The following PTPRD variants were observed in gnomAD, a reference collection of about 807,000 sequenced individuals.
PTPRD encodes receptor-type tyrosine-protein phosphatase delta.
Under a neutral mutation model 214.5 loss-of-function variants are expected in PTPRD, and 34 were observed. The ratio of observed to expected loss-of-function variants is 0.16; its 90% confidence interval spans 0.12 to 0.21. The LOEUF (loss-of-function observed/expected upper bound fraction) is 0.21, where lower values mean the gene tolerates loss of function less well. Ranked by LOEUF, PTPRD falls within the 10% of genes least tolerant of loss-of-function variation. The pLI is 1.00. For missense variants in PTPRD, 2,545 were observed against 2,398.7 expected, an observed-to-expected ratio of 1.06 and a Z score of -1.27; for synonymous variants, 1,128 against 845.7, an observed-to-expected ratio of 1.33 and a Z score of -5.79.
At chr9:8,559,174 T>A (rs563962485) in intron 14 of PTPRD, among the ~76,000 whole-genome samples, 2 of 152,208 alleles carry the variant, frequency 1.3e-5, no homozygotes, top group East Asian at 3.9e-4. Flanking sequence ...TTAGAAGAAA[T>A]AAGTTCTAGC....
At chr9:10,392,889 G>C (rs1045698740) in intron 2 of PTPRD, among the ~76,000 whole-genome samples, 5 of 151,848 alleles carry the variant, frequency 3.3e-5, no homozygotes, top group Admixed American at 3.3e-4. Flanking sequence ...GAGGCCTTCA[G>C]TGGGTGGAGT....
At chr9:9,825,687 G>T (rs1366085803) in intron 5 of PTPRD, among the ~76,000 whole-genome samples, 3 of 151,834 alleles carry the variant, frequency 2.0e-5, no homozygotes, top group African/African-American at 7.2e-5. Flanking sequence ...AATGATAACA[G>T]GTTTTCTGTG....
chr9:8,532,910 A>G lies in PTPRD; in HGVS notation c.353-4131T>C, dbSNP rs538612214. On this transcript the variant is annotated intron_variant, in intron 14 of 45. Transcript: ENST00000381196. The stretch of plus-strand genomic sequence containing the variant: ...CTTTCAGTTCCATTAAGGAAAGAGA[A>G]AAATGAATGTAAGCATCTTCCAGAG... Among the ~76,000 whole-genome samples the G allele has an allele frequency of 7.2e-5, 11 of 152,222 alleles. No homozygotes were observed. In the South Asian group the frequency reaches 2.3e-3, roughly 32 times the overall value.
intron 39 of PTPRD, among the ~76,000 whole-genome samples, chr9:8,359,882 T>TGCATG (rs1472507076): frequency 6.6e-6 from 1 of 152,208 alleles, no homozygotes; most frequent in Non-Finnish European, 1.5e-5. Context: ...GCTATCAATA[T>TGCATG]GCATGGTCTT....
chr9:8,907,532 A>G (rs1016445843), intron 11 of PTPRD, among the ~76,000 whole-genome samples: 8 of 134,920 alleles, frequency 5.9e-5, no homozygotes, highest in African/African-American at 2.2e-4. Flanking sequence ...AAAAAAAAAA[A>G]AATATATATA....
chr9:8,633,230 CA>C (rs746431526), intron 14 of PTPRD, 86 bp downstream of exon 14: 18 of 1,477,602 alleles, frequency 1.2e-5, no homozygotes, highest in Middle Eastern at 1.8e-4. Flanking sequence ...TAAGCACCAT[CA>C]CAATGCTAGT....
chr9:9,732,029 AC>A (rs2098204261), intron 7 of PTPRD, among the ~76,000 whole-genome samples: 1 of 152,134 alleles, frequency 6.6e-6, no homozygotes, highest in Non-Finnish European at 1.5e-5. Context: ...GAGTTCAAGG[AC>A]AGGGGGAATC....
chr9:10,050,860 C>T (rs1261222165), intron 3 of PTPRD, among the ~76,000 whole-genome samples: 1 of 151,914 alleles, frequency 6.6e-6, no homozygotes, highest in African/African-American at 2.4e-5. Flanking sequence ...AAAATTAATT[C>T]TCTATCTAAC....
intron 11 of PTPRD, among the ~76,000 whole-genome samples, chr9:8,746,628 C>A (rs1185152311): frequency 6.6e-6 from 1 of 152,134 alleles, no homozygotes; most frequent in Non-Finnish European, 1.5e-5. Context: ...TTTCTAGAAA[C>A]CAATTGTTAT....
intron 2 of PTPRD, among the ~76,000 whole-genome samples, chr9:10,366,205 G>A (rs745321844): frequency 1.2e-4 from 18 of 152,288 alleles, no homozygotes; most frequent in Non-Finnish European, 2.4e-4. Flanking sequence ...TATGCCATCT[G>A]TAAATACAGG....
chr9:10,012,403 C>A (rs2096620189), intron 4 of PTPRD, among the ~76,000 whole-genome samples: 1 of 151,942 alleles, frequency 6.6e-6, no homozygotes. Flanking sequence ...TGAGTACTAT[C>A]ACAGTTGCAA....
intron 12 of PTPRD, among the ~76,000 whole-genome samples, chr9:8,690,021 T>G (rs752365297): frequency 6.7e-6 from 1 of 149,866 alleles, no homozygotes; most frequent in Non-Finnish European, 1.5e-5. Context: ...GGCAGGAGAA[T>G]TGCTTAAGCC....
intron 44 of PTPRD, among the ~76,000 whole-genome samples, chr9:8,325,834 T>A (rs1212973871): frequency 6.6e-6 from 1 of 152,224 alleles, no homozygotes; most frequent in Admixed American, 6.5e-5. Context: ...TTTTATCTTT[T>A]TTGAAGCAAT....
intron 3 of PTPRD, among the ~76,000 whole-genome samples, chr9:10,262,092 T>G (rs754797458): frequency 1.1e-4 from 16 of 152,098 alleles, no homozygotes; most frequent in Non-Finnish European, 1.6e-4. Context: ...ACATGCATAT[T>G]AAACCATTTA....
intron 3 of PTPRD, among the ~76,000 whole-genome samples, chr9:10,213,835 G>T (rs900198457): frequency 6.6e-6 from 1 of 151,926 alleles, no homozygotes; most frequent in African/African-American, 2.4e-5. Context: ...ATCACCCTTA[G>T]TTTTCTTATT....
At chr9:8,975,408 C>T (rs2099262810) in intron 11 of PTPRD, among the ~76,000 whole-genome samples, 1 of 151,912 alleles carries the variant, frequency 6.6e-6, no homozygotes, top group South Asian at 2.1e-4. Context: ...TATATTATTC[C>T]ATTGAAAAGA....
chr9:9,970,619 G>C (rs540903212), intron 4 of PTPRD, among the ~76,000 whole-genome samples: 1 of 152,224 alleles, frequency 6.6e-6, no homozygotes, highest in East Asian at 1.9e-4. Context: ...CAAAAGATTT[G>C]TATGGATCTG....
chr9:10,171,557 CT>C (rs2099206110), intron 3 of PTPRD, among the ~76,000 whole-genome samples: 1 of 152,176 alleles, frequency 6.6e-6, no homozygotes, highest in Admixed American at 6.5e-5. Context: ...CAGACTCTCG[CT>C]CTGTCTCCCA....
At position 9,035,166 on chromosome 9, in the gene PTPRD, C is replaced by G. The variant is rs1182108002; in HGVS notation, c.-142-16431G>C. Among the ~76,000 whole-genome samples the G allele has an allele frequency of 5.3e-5, 8 of 152,148 alleles. No individual in the cohort carries two copies. In the East Asian group the frequency reaches 1.2e-3, roughly 22 times the overall value. ...TGTGTGGTCCTCTGCTCAGTGAACACTTTTGCATGAATGAAAAAAGAAATC... is the reference window on the plus strand; with the variant it reads ...TGTGTGGTCCTCTGCTCAGTGAACAGTTTTGCATGAATGAAAAAAGAAATC... On this transcript the variant is annotated intron_variant, in intron 10 of 45. Coordinates refer to ENST00000381196, the MANE Select transcript of PTPRD (RefSeq NM_002839.4).
Sources: gnomAD v4.1 joint callset for allele counts (sites outside exome capture counted in the v4.1 genomes callset) on GRCh38, gnomAD v4.1.1 for gene constraint, MANE v1.5 for transcripts, NCBI Gene and HGNC (gene_info 2026-07-23, HGNC 2026-07-21) for gene names.